The following USP49 variants were observed in gnomAD, a reference collection of about 807,000 sequenced individuals.
USP49 encodes the protein ubiquitin specific peptidase 49, also known as ubiquitin carboxyl-terminal hydrolase 49.
Under a neutral mutation model 58.6 loss-of-function variants are expected in USP49, and 24 were observed. That is an observed-to-expected ratio of 0.41 (90% CI 0.30 to 0.58). The LOEUF is 0.58. USP49 is among the 20% of genes least tolerant of loss of function. The pLI is 0.30. For synonymous variants in USP49, 408 were observed against 365.1 expected (o/e 1.12, Z -1.34); for missense variants, 703 against 866.1 (o/e 0.81, Z 2.36).
chr6:41,850,434 C>G (rs1373451772), intron 3 of USP49, among the ~76,000 whole-genome samples: 1 of 147,940 alleles, frequency 6.8e-6, no homozygotes, highest in Non-Finnish European at 1.5e-5. Context: ...CAGAGTGAGA[C>G]TCAGCCTCTA....
chr6:41,848,871 T>TGA lies in USP49; in HGVS notation c.-29+22691_-29+22692dup, dbSNP rs771514706. ...ACACCGTCTAAAAAAAAAAAAAAAA[T>TGA]GAGAGAGAGAGAAATGGGTTCTTCC... On this transcript the variant is annotated intron_variant, in intron 3 of 7. Coordinates refer to ENST00000682992, the MANE Select transcript of USP49 (RefSeq NM_001286554.2). Among the ~76,000 whole-genome samples, 21 of 145,636 alleles carry TGA rather than the reference T, an allele frequency of 1.4e-4. No homozygotes were observed. The East Asian group carries it at 3.8e-3, about 27-fold the overall frequency.
chr6:41,891,133 G>A (rs569053070), intron 2 of USP49, among the ~76,000 whole-genome samples: 1 of 152,194 alleles, frequency 6.6e-6, no homozygotes. Flanking sequence ...TGGCAAACAA[G>A]ACTTGTTAAG....
At chr6:41,800,690 A>G (rs574703188) in intron 5 of USP49, among the ~76,000 whole-genome samples, 194 of 152,340 alleles carry the variant, frequency 1.3e-3, no homozygotes, top group Middle Eastern at 3.4e-3. Context: ...CAAAACTCTG[A>G]ACCTCAGTTT....
intron 3 of USP49, among the ~76,000 whole-genome samples, chr6:41,856,099 C>T (rs1012653775): frequency 1.3e-5 from 2 of 150,980 alleles, no homozygotes; most frequent in Non-Finnish European, 1.5e-5. Context: ...TAAGGCCGGG[C>T]GCTGTGGCTT....
At chr6:41,890,089 A>AT (rs200852508) in intron 2 of USP49, among the ~76,000 whole-genome samples, 278 of 152,176 alleles carry the variant, frequency 1.8e-3, no homozygotes, top group African/African-American at 6.4e-3. Flanking sequence ...ATTGTTAATT[A>AT]TTTTTTTTAA....
intron 2 of USP49, among the ~76,000 whole-genome samples, chr6:41,875,138 G>A (rs1431232537): frequency 6.6e-6 from 1 of 151,832 alleles, no homozygotes; most frequent in Non-Finnish European, 1.5e-5. Context: ...GAATAGATCT[G>A]TTATCTTAAA....
intron 2 of USP49, chr6:41,887,215 G>A (rs1429027238): frequency 6.6e-6 from 1 of 152,206 alleles, no homozygotes; most frequent in Non-Finnish European, 1.5e-5. Flanking sequence ...CACAACAGTA[G>A]AGCCCATCCT....
At chr6:41,837,869 A>G (rs1338755602) in intron 3 of USP49, among the ~76,000 whole-genome samples, 2 of 152,220 alleles carry the variant, frequency 1.3e-5, no homozygotes, top group Non-Finnish European at 2.9e-5. Context: ...CAGCATCACT[A>G]ATCATTAGAG....
At chr6:41,828,932 A>T (rs1453470917) in intron 3 of USP49, among the ~76,000 whole-genome samples, 1 of 152,098 alleles carries the variant, frequency 6.6e-6, no homozygotes, top group East Asian at 1.9e-4. Context: ...ATTTAGGGAA[A>T]ATTACCTCTT....
At chr6:41,839,123 G>C (rs1423626544) in intron 3 of USP49, among the ~76,000 whole-genome samples, 1 of 152,096 alleles carries the variant, frequency 6.6e-6, no homozygotes, top group African/African-American at 2.4e-5. Context: ...AAGTCTGAAA[G>C]AGTCCTGGTG....
At chr6:41,799,740 A>G (rs1365560649) in intron 6 of USP49, 90 bp downstream of exon 6, 1 of 1,165,566 alleles carries the variant, frequency 8.6e-7, no homozygotes, top group Non-Finnish European at 1.3e-6. Flanking sequence ...TCCCCTCCCA[A>G]CACCATAGAA....
chr6:41,852,425 T>C (rs1561918239), intron 3 of USP49, among the ~76,000 whole-genome samples: 1 of 152,190 alleles, frequency 6.6e-6, no homozygotes, highest in Non-Finnish European at 1.5e-5. Context: ...TATGCAAAAA[T>C]CTGCTGTATT....
intron 3 of USP49, among the ~76,000 whole-genome samples, chr6:41,824,036 A>C (rs562127364): frequency 6.6e-6 from 1 of 152,318 alleles, no homozygotes; most frequent in African/African-American, 2.4e-5. Flanking sequence ...GGGAGGCTCA[A>C]ATGAGATAGC....
chr6:41,884,670 T>C (rs1051934673), intron 2 of USP49, among the ~76,000 whole-genome samples: 1 of 152,212 alleles, frequency 6.6e-6, no homozygotes. Flanking sequence ...TTTTCATTCA[T>C]GCATACATTA....
rs370788408 is a variant in USP49 at position 41,843,588 on chromosome 6, C to T, written c.-29+27976G>A. Among the ~76,000 whole-genome samples the T allele has an allele frequency of 1.8e-3, 271 of 152,148 alleles. 3 individuals carry two copies. The highest frequency in any genetic ancestry group is 6.3e-3 in the African/African-American group (262 of 41,502). ...TTGAGCCCAGGAGTTCAGGCCCAAC[C>T]GGGGTAACAAAGCAAAACAGTATCT... On this transcript the variant is annotated intron_variant, in intron 3 of 7. Transcript: ENST00000682992.
intron 3 of USP49, among the ~76,000 whole-genome samples, chr6:41,855,017 G>A (rs1360676047): frequency 2.0e-5 from 3 of 151,710 alleles, no homozygotes; most frequent in Admixed American, 6.6e-5. Context: ...CAAGTGATCC[G>A]CCCACCTTGG....
intron 3 of USP49, among the ~76,000 whole-genome samples, chr6:41,850,458 A>AT (rs1479111590): frequency 4.0e-5 from 6 of 151,190 alleles, no homozygotes; most frequent in African/African-American, 1.2e-4. Context: ...AAAGAAAAAA[A>AT]AAAAAAATAA....
rs952601931 is a variant in USP49, at chr6:41,791,906, G to C, written c.*4627C>G. 7 of 152,190 alleles carry C rather than the reference G, an allele frequency of 4.6e-5. No homozygotes were observed. Among genetic ancestry groups the C allele is most frequent in the African/African-American group, 1.7e-4 (7 of 41,460 alleles). The allele number at this position is 152,190 out of a possible 1,614,324, so 9.4% of individuals were successfully genotyped here. ...CACCAGGAAGATGCGTACTTAACTGGTTAAAAAATTAAGTGGCCCTGGAAA... is the reference window on the plus strand; with the variant it reads ...CACCAGGAAGATGCGTACTTAACTGCTTAAAAAATTAAGTGGCCCTGGAAA... On this transcript the variant is annotated 3_prime_UTR_variant, in exon 8 of 8. Coordinates refer to ENST00000682992, the MANE Select transcript of USP49 (RefSeq NM_001286554.2).
chr6:41,872,543 A>C (rs1197346065), intron 2 of USP49, among the ~76,000 whole-genome samples: 1 of 152,030 alleles, frequency 6.6e-6, no homozygotes, highest in African/African-American at 2.4e-5. Context: ...ATTAAAGTTT[A>C]CTTTTTAATT....
Sources: allele counts gnomAD v4.1 joint callset (sites outside exome capture counted in the v4.1 genomes callset), GRCh38; gene constraint gnomAD v4.1.1; transcripts MANE v1.5; gene names NCBI Gene and HGNC (gene_info 2026-07-23, HGNC 2026-07-21).